FAM227B: variants seen among roughly 807,000 people sequenced by gnomAD.
The protein encoded by FAM227B is protein FAM227B.
Under a neutral mutation model 73.8 loss-of-function variants are expected in FAM227B, and 88 were observed. The ratio of observed to expected loss-of-function variants is 1.19; its 90% CI spans 1.00 to 1.42. FAM227B has a LOEUF of 1.42. Ranked by LOEUF, FAM227B falls within the 40% of genes most tolerant of loss-of-function variation. The pLI is 0.00. For synonymous variants in FAM227B, 210 were observed against 190.5 expected, an observed-to-expected ratio of 1.10 and a Z score of -0.84; for missense variants, 632 against 590.9, an observed-to-expected ratio of 1.07 and a Z score of -0.72.
chr15:49,456,327 T>C (rs756954962), intron 11 of FAM227B, among the ~76,000 whole-genome samples: 2 of 152,106 alleles, frequency 1.3e-5, no homozygotes, highest in African/African-American at 2.4e-5. Context: ...ATTTAGAAGT[T>C]GAAAGAAATA....
intron 11 of FAM227B, among the ~76,000 whole-genome samples, chr15:49,497,192 A>G (rs1476025635): frequency 1.3e-5 from 2 of 152,224 alleles, no homozygotes; most frequent in East Asian, 3.8e-4. Context: ...AAGACATTCA[A>G]GTTCTTTATG....
Position 49,328,134 on chromosome 15 carries a change from G to A in FAM227B, c.*434C>T, listed in dbSNP as rs1391176721. 3.7e-6 allele frequency: 6 copies of A among 1,613,886 alleles called. No individual in the cohort carries two copies. In the Admixed American group the frequency reaches 5.0e-5, roughly 13 times the overall value. On this transcript the variant is annotated 3_prime_UTR_variant, in exon 16 of 16. Coordinates refer to ENST00000299338, the MANE Select transcript of FAM227B (RefSeq NM_152647.3). ...TTGTTTGCTACCAAACCTGGAGGTG[G>A]GGCTTTGGTTTTGCTTGAGGCCTGA...
intron 8 of FAM227B, among the ~76,000 whole-genome samples, chr15:49,573,155 T>C (rs2075228444): frequency 1.3e-5 from 2 of 152,196 alleles, no homozygotes; most frequent in African/African-American, 4.8e-5. Flanking sequence ...TAGTTCAAAA[T>C]AATTTTTGAT....
At chr15:49,607,553 A>T (rs1473337706) in intron 3 of FAM227B, among the ~76,000 whole-genome samples, 1 of 152,196 alleles carries the variant, frequency 6.6e-6, no homozygotes, top group Non-Finnish European at 1.5e-5. Flanking sequence ...ATTTGAAAAG[A>T]TGTTATAATA....
At chr15:49,460,844 A>G (rs905507603) in intron 11 of FAM227B, among the ~76,000 whole-genome samples, 4 of 152,122 alleles carry the variant, frequency 2.6e-5, no homozygotes, top group African/African-American at 9.7e-5. Flanking sequence ...AAAGAAGAAC[A>G]TTGTTTGTTT....
intron 10 of FAM227B, among the ~76,000 whole-genome samples, chr15:49,525,509 A>T (rs1266768840): frequency 1.3e-5 from 2 of 151,558 alleles, no homozygotes; most frequent in Non-Finnish European, 2.9e-5. Context: ...AAACCAGCCA[A>T]TCATTTTATA....
At position 49,598,181 on chromosome 15, in the gene FAM227B, C is replaced by A. The variant is rs542995674; in HGVS notation, c.106-8174G>T. On this transcript the variant is annotated intron_variant, in intron 3 of 15. Transcript: ENST00000299338. ...AAAAGACAACAAAAAAAGCTACATGCCAATACCTCCTTCTTTAAATTTATC... is the reference window on the plus strand; with the variant it reads ...AAAAGACAACAAAAAAAGCTACATGACAATACCTCCTTCTTTAAATTTATC... Among the ~76,000 whole-genome samples the A allele has an allele frequency of 6.6e-5, 10 of 151,890 alleles. No homozygotes were observed. In the East Asian group the frequency reaches 1.9e-3, roughly 29 times the overall value.
At chr15:49,585,594 A>G (rs1206621952) in intron 5 of FAM227B, among the ~76,000 whole-genome samples, 1 of 152,200 alleles carries the variant, frequency 6.6e-6, no homozygotes, top group Non-Finnish European at 1.5e-5. Context: ...TCTCAAGGAC[A>G]AAAAACCAAA....
At chr15:49,550,309 G>A (rs28635730) in intron 9 of FAM227B, among the ~76,000 whole-genome samples, 1 of 140,088 alleles carries the variant, frequency 7.1e-6, no homozygotes, top group African/African-American at 2.6e-5. Context: ...TCACCTCCCG[G>A]ACGGGGCGGC....
Position 49,475,927 on chromosome 15 carries a change from C to T in FAM227B, c.1012+32284G>A, listed in dbSNP as rs138343431. On this transcript the variant is annotated intron_variant, in intron 11 of 15. Transcript: ENST00000299338. ...TGCTTGATCCTGGGAGGTTCAAGAC[C>T]CTTGACAATTTGGCCCTAACTCTTT... Among the ~76,000 whole-genome samples the T allele has an allele frequency of 9.9e-3, 1,500 of 152,200 alleles. 28 individuals are homozygous for T. Among genetic ancestry groups the T allele is most frequent in the African/African-American group, 0.034 (1,421 of 41,540 alleles).
chr15:49,605,984 T>C (rs899943000), intron 3 of FAM227B, among the ~76,000 whole-genome samples: 1 of 152,136 alleles, frequency 6.6e-6, no homozygotes, highest in Non-Finnish European at 1.5e-5. Flanking sequence ...GGCAAAGTTA[T>C]GTGCTCACTT....
intron 8 of FAM227B, among the ~76,000 whole-genome samples, chr15:49,570,759 T>C (rs552918200): frequency 5.9e-4 from 89 of 150,316 alleles, no homozygotes; most frequent in African/African-American, 2.1e-3. Context: ...TAGCAAAACA[T>C]CCAGTTCCAT....
At chr15:49,601,524 G>A (rs1043655207) in intron 3 of FAM227B, among the ~76,000 whole-genome samples, 1 of 151,934 alleles carries the variant, frequency 6.6e-6, no homozygotes, top group South Asian at 2.1e-4. Context: ...TGCATGGTAG[G>A]TATATATATT....
At chr15:49,577,010 C>A (rs1323246430) in intron 6 of FAM227B, among the ~76,000 whole-genome samples, 165 bp from the exon 7 acceptor site, 1 of 152,082 alleles carries the variant, frequency 6.6e-6, no homozygotes, top group Non-Finnish European at 1.5e-5. Flanking sequence ...CTAAGAAAAA[C>A]CTTTGGCCGT....
At chr15:49,617,440 A>C (rs2078360456) in intron 1 of FAM227B, among the ~76,000 whole-genome samples, 2 of 152,222 alleles carry the variant, frequency 1.3e-5, no homozygotes. Flanking sequence ...ATTCAACAAC[A>C]GTCTAGTGAA....
At chr15:49,548,735 G>A (rs1284717334) in intron 9 of FAM227B, among the ~76,000 whole-genome samples, 1 of 152,086 alleles carries the variant, frequency 6.6e-6, no homozygotes, top group Non-Finnish European at 1.5e-5. Context: ...TTTGTTCCTG[G>A]TTCAATCTTG....
At chr15:49,432,535 T>A (rs2050709879) in intron 11 of FAM227B, among the ~76,000 whole-genome samples, 1 of 151,648 alleles carries the variant, frequency 6.6e-6, no homozygotes, top group Non-Finnish European at 1.5e-5. Flanking sequence ...CTGGTTTGGG[T>A]GGAATATTTA....
At chr15:49,574,193 T>A (rs1010883688) in intron 8 of FAM227B, among the ~76,000 whole-genome samples, 2 of 152,114 alleles carry the variant, frequency 1.3e-5, no homozygotes, top group Non-Finnish European at 2.9e-5. Flanking sequence ...CAATTTTTTT[T>A]AAACATTAAG....
chr15:49,502,409 T>C (rs2058217940), intron 11 of FAM227B, among the ~76,000 whole-genome samples: 2 of 152,214 alleles, frequency 1.3e-5, no homozygotes, highest in Admixed American at 1.3e-4. Flanking sequence ...GTGCCCTAGA[T>C]GTGGGACATA....
Sources: allele counts gnomAD v4.1 joint callset (sites outside exome capture counted in the v4.1 genomes callset), GRCh38; gene constraint gnomAD v4.1.1; transcripts MANE v1.5; gene names NCBI Gene and HGNC (gene_info 2026-07-23, HGNC 2026-07-21).